The following EYS variants were observed in gnomAD, a reference collection of about 807,000 sequenced individuals.
The protein encoded by EYS is EGF-like photoreceptor maintenance factor.
Under a neutral mutation model 282.1 loss-of-function variants are expected in EYS, and 250 were observed. That is an observed-to-expected ratio of 0.89 (90% CI 0.80 to 0.98). The LOEUF (loss-of-function observed/expected upper bound fraction) is 0.98. Among genes scored for constraint, EYS ranks in the 50% least tolerant of loss-of-function variants. The probability of loss-of-function intolerance (pLI) is 0.00; values close to 1 mark genes in which losing one functional copy is unlikely to be tolerated. For synonymous variants in EYS, 1,355 were observed against 1,282.9 expected, an observed-to-expected ratio of 1.06 and a Z score of -1.20; for missense variants, 4,016 against 3,709.0, an observed-to-expected ratio of 1.08 and a Z score of -2.15.
At chr6:65,430,042 T>C (rs943837940) in intron 5 of EYS, among the ~76,000 whole-genome samples, 7 of 152,088 alleles carry the variant, frequency 4.6e-5, no homozygotes, top group African/African-American at 1.7e-4. Flanking sequence ...AGTAATTTGC[T>C]CAAATTCACA....
chr6:65,513,741 C>T (rs1766995463), intron 2 of EYS, among the ~76,000 whole-genome samples: 1 of 151,752 alleles, frequency 6.6e-6, no homozygotes. Flanking sequence ...AATTCAACAA[C>T]CCTTCATGCT....
At chr6:64,426,395 G>C (rs1561988570) in intron 28 of EYS, among the ~76,000 whole-genome samples, 1 of 152,180 alleles carries the variant, frequency 6.6e-6, no homozygotes, top group Non-Finnish European at 1.5e-5. Context: ...TACCAGATTG[G>C]ATAGGACTGA....
intron 7 of EYS, among the ~76,000 whole-genome samples, chr6:65,396,878 T>A (rs990085941): frequency 1.3e-5 from 2 of 151,878 alleles, no homozygotes; most frequent in Non-Finnish European, 2.9e-5. Flanking sequence ...TCATTTAACA[T>A]CTGCCATCCT....
At chr6:65,472,835 T>A (rs1765263962) in intron 5 of EYS, among the ~76,000 whole-genome samples, 1 of 151,980 alleles carries the variant, frequency 6.6e-6, no homozygotes, top group African/African-American at 2.4e-5. Context: ...ATTGTCTTTA[T>A]AAAATTGTTT....
At chr6:65,689,267 C>G (rs1345885052) in intron 1 of EYS, among the ~76,000 whole-genome samples, 4 of 149,866 alleles carry the variant, frequency 2.7e-5, no homozygotes, top group African/African-American at 9.7e-5. Flanking sequence ...AGCAAACTAT[C>G]GCAAGGACAA....
intron 26 of EYS, among the ~76,000 whole-genome samples, chr6:64,524,562 C>A (rs1448913291): frequency 6.6e-6 from 1 of 151,754 alleles, no homozygotes; most frequent in Non-Finnish European, 1.5e-5. Flanking sequence ...TTCCTATGTC[C>A]AGAATAGTAT....
At chr6:64,099,287 T>C (rs1256185806) in intron 31 of EYS, among the ~76,000 whole-genome samples, 1 of 152,236 alleles carries the variant, frequency 6.6e-6, no homozygotes, top group East Asian at 1.9e-4. Flanking sequence ...GTAAGCCTAA[T>C]TAAGCATGGT....
intron 18 of EYS, among the ~76,000 whole-genome samples, chr6:64,895,099 G>T (rs545327671): frequency 6.6e-6 from 1 of 152,092 alleles, no homozygotes; most frequent in African/African-American, 2.4e-5. Flanking sequence ...TTGCAGGGGT[G>T]GTGATTCCAA....
chr6:64,818,864 G>C (rs2150019995), intron 21 of EYS, among the ~76,000 whole-genome samples: 3 of 152,204 alleles, frequency 2.0e-5, no homozygotes, highest in Middle Eastern at 6.8e-3. Flanking sequence ...TACTCTCACA[G>C]ACACACCCAG....
chr6:64,777,225 C>A lies in EYS; in HGVS notation c.3443+36153G>T, dbSNP rs186130421. ...AGATGTTATCTAATTATATAGTAGA[C>A]TGGGATATAAAATAGACAAGGCAGA... On this transcript the variant is annotated intron_variant, in intron 22 of 42. Transcript: ENST00000503581. Among the ~76,000 whole-genome samples the A allele has an allele frequency of 1.2e-3, 177 of 152,158 alleles. 1 individual carries two copies. The highest frequency in any genetic ancestry group is 2.0e-3 in the Non-Finnish European group (137 of 67,986).
chr6:64,754,221 T>A (rs1283355535), intron 22 of EYS, among the ~76,000 whole-genome samples: 2 of 152,006 alleles, frequency 1.3e-5, no homozygotes, highest in East Asian at 3.9e-4. Flanking sequence ...TGGCTATACA[T>A]TCACAACCCA....
chr6:64,256,904 A>C (rs1767420915), intron 30 of EYS, among the ~76,000 whole-genome samples: 1 of 151,964 alleles, frequency 6.6e-6, no homozygotes, highest in Admixed American at 6.6e-5. Flanking sequence ...ATAAATCCAT[A>C]TCTCTCCACT....
intron 30 of EYS, among the ~76,000 whole-genome samples, chr6:64,286,699 T>C (rs1289017370): frequency 1.3e-5 from 2 of 152,196 alleles, no homozygotes; most frequent in Non-Finnish European, 1.5e-5. Flanking sequence ...TGACTTAAGA[T>C]ATAAAAGTGT....
intron 31 of EYS, among the ~76,000 whole-genome samples, chr6:64,151,769 C>A (rs545320861): frequency 3.9e-4 from 59 of 152,078 alleles, no homozygotes; most frequent in African/African-American, 1.4e-3. Flanking sequence ...ACTGTAGAAG[C>A]AGTAATATTT....
intron 11 of EYS, among the ~76,000 whole-genome samples, chr6:65,319,922 C>A (rs999663608): frequency 1.3e-5 from 2 of 149,218 alleles, no homozygotes; most frequent in African/African-American, 5.1e-5. Flanking sequence ...CCCCAGCCAT[C>A]CAATTTTTCA....
chr6:64,300,057 G>A (rs192834415), intron 30 of EYS, among the ~76,000 whole-genome samples: 2 of 152,300 alleles, frequency 1.3e-5, no homozygotes, highest in South Asian at 2.1e-4. Flanking sequence ...CTAGTTATGG[G>A]ACCCTATCTT....
At chr6:63,976,958 T>C (rs1023295017) in intron 35 of EYS, among the ~76,000 whole-genome samples, 14 of 151,938 alleles carry the variant, frequency 9.2e-5, no homozygotes, top group African/African-American at 1.2e-4. Flanking sequence ...TACATTAATA[T>C]TTGGAGATTC....
At chr6:65,471,229 CAAAAA>C (rs527251318) in intron 5 of EYS, among the ~76,000 whole-genome samples, 17 of 96,722 alleles carry the variant, frequency 1.8e-4, no homozygotes, top group Non-Finnish European at 2.7e-4. Context: ...CTCATCTTTA[CAAAAA>C]AAAAAAAAAA....
At chr6:64,332,237 C>A (rs1479488571) in intron 29 of EYS, among the ~76,000 whole-genome samples, 1 of 152,106 alleles carries the variant, frequency 6.6e-6, no homozygotes, top group African/African-American at 2.4e-5. Context: ...GGGTATTCAC[C>A]CTGTGAGATA....
Sources: allele counts gnomAD v4.1 joint callset (sites outside exome capture counted in the v4.1 genomes callset), GRCh38; gene constraint gnomAD v4.1.1; transcripts MANE v1.5; gene names NCBI Gene and HGNC (gene_info 2026-07-23, HGNC 2026-07-21).